Variants in CNGA3 observed in about 807,000 individuals in gnomAD.
CNGA3 encodes cyclic nucleotide gated channel subunit alpha 3, also known as cyclic nucleotide-gated channel alpha-3.
In CNGA3, 42 loss-of-function variants were observed where a neutral mutation model predicts 46.6. The ratio of observed to expected loss-of-function variants is 0.90; its 90% CI spans 0.70 to 1.17. CNGA3 has a LOEUF of 1.17. Ranked by LOEUF, CNGA3 falls within the 50% of genes most tolerant of loss-of-function variation. The pLI, the probability that CNGA3 is intolerant of heterozygous loss-of-function variation, is 0.00. For missense variants in CNGA3, 893 were observed against 890.7 expected, an observed-to-expected ratio of 1.00 and a Z score of -0.03; for synonymous variants, 394 against 369.4, an observed-to-expected ratio of 1.07 and a Z score of -0.76.
At chr2:98,376,530 C>T (rs1054697986) in intron 2 of CNGA3, among the ~76,000 whole-genome samples, 3 of 151,968 alleles carry the variant, frequency 2.0e-5, no homozygotes, top group African/African-American at 4.8e-5. Flanking sequence ...CCAGGCAGAC[C>T]GGGGCATGGG....
intron 4 of CNGA3, among the ~76,000 whole-genome samples, chr2:98,382,021 CT>C (rs948919542): frequency 6.6e-6 from 1 of 152,168 alleles, no homozygotes; most frequent in Non-Finnish European, 1.5e-5. Flanking sequence ...GAATGTTAGA[CT>C]CTCTGTCCAT....
At position 98,396,614 on chromosome 2, in the gene CNGA3, A is replaced by C; in HGVS notation, c.1444A>C (p.Ile482Leu). 1 of 1,614,088 alleles carries C rather than the reference A, an allele frequency of 6.2e-7. No homozygotes were observed. Among genetic ancestry groups the C allele is most frequent in the Non-Finnish European group, 8.5e-7 (1 of 1,180,006 alleles). ...VHLDTLKKVR[I>L]FQDCEAGLLV... is the part of the protein sequence containing the mutation. ...CCTGGACACGCTGAAGAAGGTTCGC[A>C]TCTTCCAGGACTGTGAGGCAGGGCT... Residue 482 changes from isoleucine (I) to leucine (L), a missense_variant, in exon 8 of 8, where the codon ATC (isoleucine) becomes CTC (leucine). Around this residue, in one of 3 missense-constraint regions of CNGA3, gnomAD observed 548 missense variants for 570.8 expected, o/e 0.96. Transcript: ENST00000272602.
At chr2:98,378,145 G>C (rs1014569097) in intron 3 of CNGA3, 3 of 1,550,790 alleles carry the variant, frequency 1.9e-6, no homozygotes, top group Non-Finnish European at 2.6e-6. Context: ...GGACACAGTG[G>C]TGTGCTGAGG....
intron 1 of CNGA3, among the ~76,000 whole-genome samples, chr2:98,355,259 T>A (rs1195967180): frequency 1.3e-5 from 2 of 152,222 alleles, no homozygotes; most frequent in Non-Finnish European, 2.9e-5. Flanking sequence ...AAGTGTCCTT[T>A]CATGTAAATT....
intron 2 of CNGA3, among the ~76,000 whole-genome samples, chr2:98,374,832 C>T (rs774563338): frequency 4.6e-5 from 7 of 152,172 alleles, no homozygotes; most frequent in South Asian, 2.1e-4. Flanking sequence ...AAAAAATGGG[C>T]CCCCCCATCA....
At chr2:98,387,330 G>A (rs1692675570) in intron 5 of CNGA3, among the ~76,000 whole-genome samples, 1 of 152,156 alleles carries the variant, frequency 6.6e-6, no homozygotes, top group African/African-American at 2.4e-5. Context: ...ATTGTGAATG[G>A]ATCTTTTTCA....
chr2:98,397,313 C>T lies in CNGA3; in HGVS notation c.*58C>T. The T allele has an allele frequency of 6.4e-7, 1 of 1,552,610 alleles. No individual in the cohort carries two copies. On this transcript the variant is annotated 3_prime_UTR_variant, in exon 8 of 8. Transcript: ENST00000272602. Reference sequence around the variant, plus strand: ...CGACTGTCAGGGTGACCGTATGTGGCCGCAGCTGTGTGGCATGGAACTTGG... The same window carrying T: ...CGACTGTCAGGGTGACCGTATGTGGTCGCAGCTGTGTGGCATGGAACTTGG...
chr2:98,378,185 G>A lies in CNGA3; in HGVS notation c.215+385G>A, dbSNP rs201764237. 6.0e-4 allele frequency: 937 copies of A among 1,550,444 alleles called. 1 individual carries two copies. The highest frequency in any genetic ancestry group is 7.6e-4 in the Non-Finnish European group (873 of 1,147,002). On this transcript the variant is annotated intron_variant, in intron 3 of 7. Transcript: ENST00000272602. ...TGGTGATGAGTCTGAAATGGCTCTG[G>A]CAGGGTCTCCCGGGTGCTCGTCTGG...
chr2:98,354,861 A>G (rs1691844801), intron 1 of CNGA3, among the ~76,000 whole-genome samples: 1 of 152,236 alleles, frequency 6.6e-6, no homozygotes, highest in African/African-American at 2.4e-5. Flanking sequence ...ATACTTTGAT[A>G]CACAAAGGCA....
chr2:98,349,725 A>G (rs1456600118), intron 1 of CNGA3, among the ~76,000 whole-genome samples: 1 of 152,182 alleles, frequency 6.6e-6, no homozygotes, highest in Non-Finnish European at 1.5e-5. Context: ...TATACACTAG[A>G]CTAGCACAGG....
chr2:98,373,869 G>A (rs1692345569), intron 2 of CNGA3, among the ~76,000 whole-genome samples: 1 of 152,158 alleles, frequency 6.6e-6, no homozygotes, highest in Non-Finnish European at 1.5e-5. Context: ...TGACAGAAGA[G>A]TGGTCTTCTT....
chr2:98,396,412 G>A lies in CNGA3; in HGVS notation c.1242G>A (p.Gln414=), dbSNP rs1692914709. 5.0e-6 allele frequency: 8 copies of A among 1,613,950 alleles called. No individual in the cohort carries two copies. The highest frequency in any genetic ancestry group is 6.8e-6 in the Non-Finnish European group (8 of 1,180,042). The change falls in exon 8 of 8, where the codon CAG becomes CAA. Residue 414 remains glutamine (Q), a synonymous_variant. Coordinates refer to ENST00000272602, the MANE Select transcript of CNGA3 (RefSeq NM_001298.3). ...TGAATGCCTCACGGGCAGAGTTCCA[G>A]GCCAAGATTGATTCCATCAAGCAGT... The part of the protein sequence containing the change: ...SNMNASRAEF[Q]AKIDSIKQYM...
In CNGA3 at chr2:98,397,181, G is replaced by C; in HGVS notation, c.2011G>C (p.Gly671Arg). 1 of 1,614,170 alleles carries C rather than the reference G, an allele frequency of 6.2e-7. No homozygotes were observed. The highest frequency in any genetic ancestry group is 1.1e-5 in the South Asian group (1 of 91,082). ...RLSQLESQVK[G>R]GGDKPLADGE... ...CAGCCAACTGGAAAGCCAGGTGAAG[G>C]GTGGTGGGGACAAGCCCCTGGCTGA... Residue 671 changes from glycine (G) to arginine (R), a missense_variant, in exon 8 of 8, where the codon GGT becomes CGT. Physicochemically the swap from Gly to Arg is moderately radical, Grantham distance 125. Coordinates refer to ENST00000272602, the MANE Select transcript of CNGA3 (RefSeq NM_001298.3).
chr2:98,366,499 G>A (rs1692155471), intron 1 of CNGA3, among the ~76,000 whole-genome samples: 1 of 152,216 alleles, frequency 6.6e-6, no homozygotes, highest in Non-Finnish European at 1.5e-5. Flanking sequence ...AGCCAGGGGA[G>A]AGACCAAGTC....
intron 1 of CNGA3, among the ~76,000 whole-genome samples, chr2:98,359,941 G>T (rs1241719483): frequency 6.6e-6 from 1 of 152,228 alleles, no homozygotes; most frequent in Non-Finnish European, 1.5e-5. Flanking sequence ...CAGGGGCAGG[G>T]TTCCCGGTGG....
rs1692932538 is a variant in CNGA3 at position 98,396,902 on chromosome 2, T to C, written c.1732T>C (p.Cys578Arg). The change falls in exon 8 of 8, where the codon TGC becomes CGC. Residue 578 changes from cysteine (C) to arginine (R), a missense_variant. By Grantham distance (180) the Cys-to-Arg change is radical (BLOSUM62 -3). This residue lies in a region of CNGA3 where 548 missense variants were observed against 570.8 expected (regional missense o/e 0.96). Transcript: ENST00000272602. ...IRSIGYSDLF[C>R]LSKDDLMEAL... is the part of the protein sequence containing the mutation. Reference sequence around the variant, plus strand: ...CAGCATTGGCTACTCAGACCTGTTCTGCCTCTCAAAGGACGATCTCATGGA... The same window carrying C: ...CAGCATTGGCTACTCAGACCTGTTCCGCCTCTCAAAGGACGATCTCATGGA... 7 of 1,614,156 alleles carry C rather than the reference T, an allele frequency of 4.3e-6. No homozygotes were observed. The East Asian group carries it at 1.6e-4, about 36-fold the overall frequency.
chr2:98,373,749 C>T (rs1324606306), intron 2 of CNGA3, among the ~76,000 whole-genome samples: 1 of 152,178 alleles, frequency 6.6e-6, no homozygotes, highest in East Asian at 1.9e-4. Context: ...TAGAAACAGG[C>T]TATTCTCTGC....
At chr2:98,390,435 C>T (rs1172874452) in intron 6 of CNGA3, among the ~76,000 whole-genome samples, 1 of 152,066 alleles carries the variant, frequency 6.6e-6, no homozygotes, top group East Asian at 1.9e-4. Flanking sequence ...AGGTGTGAGC[C>T]ACTGCTCCCG....
chr2:98,393,543 G>A (rs1050241453), intron 7 of CNGA3, among the ~76,000 whole-genome samples: 1 of 152,228 alleles, frequency 6.6e-6, no homozygotes, highest in African/African-American at 2.4e-5. Context: ...CAGATACACA[G>A]GCTGAGGCTT....
Sources: gnomAD v4.1 joint callset for allele counts (sites outside exome capture counted in the v4.1 genomes callset) on GRCh38, gnomAD v4.1.1 for gene constraint, gnomAD v4.1.1 regional missense constraint, MANE v1.5 for transcripts, NCBI Gene and HGNC (gene_info 2026-07-23, HGNC 2026-07-21) for gene names.